The following NUFIP1 variants were observed in gnomAD, a reference collection of about 807,000 sequenced individuals.
NUFIP1 encodes the protein FMR1-interacting protein NUFIP1.
A neutral mutation model predicts 56.2 loss-of-function variants in NUFIP1; 38 were observed. The ratio of observed to expected loss-of-function variants is 0.68; its 90% confidence interval spans 0.52 to 0.89. The LOEUF (loss-of-function observed/expected upper bound fraction) is 0.89, where lower values mean the gene tolerates loss of function less well. NUFIP1 is among the 40% of genes least tolerant of loss of function. NUFIP1 has a pLI of 0.00. For missense variants in NUFIP1, 567 were observed against 605.8 expected, an observed-to-expected ratio of 0.94 and a Z score of 0.67; for synonymous variants, 215 against 212.4, an observed-to-expected ratio of 1.01 and a Z score of -0.10.
At chr13:44,959,001 G>C (rs1334210300) in intron 7 of NUFIP1, among the ~76,000 whole-genome samples, 1 of 152,172 alleles carries the variant, frequency 6.6e-6, no homozygotes, top group Non-Finnish European at 1.5e-5. Context: ...GTAGCATAAA[G>C]TATACTGACT....
intron 1 of NUFIP1, among the ~76,000 whole-genome samples, chr13:44,982,719 C>T (rs2137925888): frequency 6.6e-6 from 1 of 152,004 alleles, no homozygotes; most frequent in East Asian, 1.9e-4. Context: ...CAAAAATTTG[C>T]ATATGGACCA....
intron 7 of NUFIP1, among the ~76,000 whole-genome samples, chr13:44,956,555 TG>T (rs1292307174): frequency 3.3e-5 from 5 of 152,182 alleles, no homozygotes; most frequent in Admixed American, 1.3e-4. Context: ...GCTGTTTTCC[TG>T]CAACTAGACA....
chr13:44,960,790 C>T (rs938483723), intron 6 of NUFIP1, among the ~76,000 whole-genome samples: 1 of 152,086 alleles, frequency 6.6e-6, no homozygotes, highest in East Asian at 1.9e-4. Flanking sequence ...TGGCCGGGCG[C>T]GGTGGCTCAC....
intron 6 of NUFIP1, 76 bp downstream of exon 6, chr13:44,965,768 T>G (rs1593364504): frequency 1.7e-6 from 1 of 596,662 alleles, no homozygotes; most frequent in Non-Finnish European, 2.7e-6. Context: ...AGCAAAGATT[T>G]CATAATTGAG....
At chr13:44,987,042 ACTC>A (rs1438442404) in intron 1 of NUFIP1, among the ~76,000 whole-genome samples, 1 of 151,278 alleles carries the variant, frequency 6.6e-6, no homozygotes, top group East Asian at 1.9e-4. Context: ...CAGGTCTCAA[ACTC>A]CTGGGCTCAA....
At chr13:44,960,429 G>A (rs1242632788) in intron 6 of NUFIP1, among the ~76,000 whole-genome samples, 1 of 150,064 alleles carries the variant, frequency 6.7e-6, no homozygotes, top group Non-Finnish European at 1.5e-5. Context: ...CCATCAGCCC[G>A]GCTAATTTTT....
chr13:44,971,224 A>G (rs1871794219), intron 5 of NUFIP1, among the ~76,000 whole-genome samples: 1 of 152,172 alleles, frequency 6.6e-6, no homozygotes, highest in South Asian at 2.1e-4. Flanking sequence ...ACAAAGCAAC[A>G]TCACAGGTAT....
chr13:44,986,748 T>C (rs1872412612), intron 1 of NUFIP1, among the ~76,000 whole-genome samples: 1 of 151,498 alleles, frequency 6.6e-6, no homozygotes, highest in African/African-American at 2.4e-5. Context: ...TGCAATCTCA[T>C]GGTAAACCTT....
At chr13:44,967,604 T>C (rs1441773309) in intron 5 of NUFIP1, among the ~76,000 whole-genome samples, 2 of 152,104 alleles carry the variant, frequency 1.3e-5, no homozygotes, top group African/African-American at 2.4e-5. Flanking sequence ...AAAGGGAGAC[T>C]CAGGCCAAAA....
Position 44,949,480 on chromosome 13 carries a change from C to T in NUFIP1, c.1138+242G>A, listed in dbSNP as rs575857120. Among the ~76,000 whole-genome samples the T allele has an allele frequency of 1.5e-4, 23 of 152,230 alleles. No individual in the cohort carries two copies. In the East Asian group the frequency reaches 3.3e-3, roughly 22 times the overall value. On this transcript the variant is annotated intron_variant, in intron 8 of 9. Transcript: ENST00000379161. Reference sequence around the variant, plus strand: ...CCTCCCAAAGTGCTGGGATTACAGGCGTGAGCCACCGCGCCCGGCCTATAT... The same window carrying T: ...CCTCCCAAAGTGCTGGGATTACAGGTGTGAGCCACCGCGCCCGGCCTATAT...
intron 8 of NUFIP1, 56 bp downstream of exon 8, chr13:44,949,666 A>G: frequency 9.1e-7 from 1 of 1,094,188 alleles, no homozygotes; most frequent in Non-Finnish European, 1.3e-6. Flanking sequence ...CGCAGCATGC[A>G]CAAAAGGCAA....
chr13:44,986,046 C>A (rs893491211), intron 1 of NUFIP1, among the ~76,000 whole-genome samples: 5 of 152,168 alleles, frequency 3.3e-5, no homozygotes, highest in Non-Finnish European at 7.4e-5. Context: ...GCCTCAAACT[C>A]CTGGGCTCAA....
rs140855003 is a variant in NUFIP1 at position 44,989,326 on chromosome 13, C to A, written c.111G>T (p.Trp37Cys). ...LSDTAPPRDS[W>C]MFWAMLPPPP... ...GTGGCGGCAGCATTGCCCAGAACAT[C>A]CAGCTGTCCCGCGGCGGGGCAGTGT... is the stretch of plus-strand genomic sequence containing the variant. The change falls in exon 1 of 10, where the codon TGG (tryptophan) becomes TGT (cysteine). Residue 37 changes from tryptophan (W) to cysteine (C), a missense_variant. Coordinates refer to ENST00000379161, the MANE Select transcript of NUFIP1 (RefSeq NM_012345.3). 6.2e-6 allele frequency: 10 copies of A among 1,613,118 alleles called. No individual in the cohort carries two copies. Among genetic ancestry groups the A allele is most frequent in the Non-Finnish European group, 8.5e-6 (10 of 1,179,816 alleles).
intron 7 of NUFIP1, 106 bp downstream of exon 7, chr13:44,959,273 ATT>A: frequency 1.0e-6 from 1 of 981,792 alleles, no homozygotes; most frequent in Non-Finnish European, 1.5e-6. Context: ...ATCATTCTGC[ATT>A]GTTATACATT....
intron 6 of NUFIP1, 104 bp from the exon 7 acceptor site, chr13:44,959,678 T>C (rs1368453897): frequency 2.3e-6 from 2 of 882,958 alleles, no homozygotes; most frequent in Admixed American, 2.4e-5. Context: ...GTAAAACTGA[T>C]CACTTGTAGC....
intron 5 of NUFIP1, among the ~76,000 whole-genome samples, chr13:44,970,662 T>C (rs1871770031): frequency 6.6e-6 from 1 of 152,132 alleles, no homozygotes; most frequent in South Asian, 2.1e-4. Context: ...TATATTTTTG[T>C]AACAGGGTTT....
intron 7 of NUFIP1, among the ~76,000 whole-genome samples, chr13:44,959,098 A>C (rs529230366): frequency 6.6e-6 from 1 of 152,330 alleles, no homozygotes; most frequent in Non-Finnish European, 1.5e-5. Flanking sequence ...ATTCAAAACA[A>C]TCTTAAGAAA....
intron 1 of NUFIP1, among the ~76,000 whole-genome samples, chr13:44,982,511 G>C (rs1872230807): frequency 6.6e-6 from 1 of 152,138 alleles, no homozygotes; most frequent in South Asian, 2.1e-4. Flanking sequence ...CAGGAAAACA[G>C]AACCTTGTGA....
intron 6 of NUFIP1, among the ~76,000 whole-genome samples, chr13:44,961,975 C>T (rs374468037): frequency 2.4e-4 from 36 of 152,220 alleles, no homozygotes; most frequent in Non-Finnish European, 4.4e-4. Context: ...TGTTATACCA[C>T]GACTTGACAA....
Sources: allele counts gnomAD v4.1 joint callset (sites outside exome capture counted in the v4.1 genomes callset), GRCh38; gene constraint gnomAD v4.1.1; transcripts MANE v1.5; gene names NCBI Gene and HGNC (gene_info 2026-07-23, HGNC 2026-07-21).